Variants in NFIB observed in about 807,000 individuals in gnomAD.
NFIB encodes the protein nuclear factor I B.
NFIB carries 11 observed loss-of-function variants against 61.5 expected under a neutral mutation model. The observed-to-expected ratio is 0.18, with a 90% CI of 0.11 to 0.30. The LOEUF (loss-of-function observed/expected upper bound fraction) is 0.30, where lower values mean the gene tolerates loss of function less well. Ranked by LOEUF, NFIB falls within the 10% of genes least tolerant of loss-of-function variation. The pLI, the probability that NFIB is intolerant of heterozygous loss-of-function variation, is 1.00. For missense variants in NFIB, 471 were observed against 608.9 expected (o/e 0.77, Z 2.38); for synonymous variants, 260 against 216.5 (o/e 1.20, Z -1.76).
rs1206567219 is a variant in NFIB at position 14,082,685 on chromosome 9, G to C, written c.*5624C>G. 3 of 156,888 alleles carry C rather than the reference G, an allele frequency of 1.9e-5. No homozygotes were observed. The highest frequency in any genetic ancestry group is 8.5e-5 in the Admixed American group (1 of 11,784). 9.7% of individuals were successfully genotyped at this position (156,888 alleles called of 1,614,324 possible). A position where few individuals can be genotyped will look rare whatever the true frequency, so the allele number is the denominator to read the frequency against. On this transcript the variant is annotated 3_prime_UTR_variant, in exon 11 of 11. Transcript: ENST00000380953. ...TTTTGCTGGTTTTTTTTTTTTGTTT[G>C]TTTCTTTCTTGTTTTGCATCAACTT...
At chr9:14,260,168 G>A (rs992906317) in intron 2 of NFIB, among the ~76,000 whole-genome samples, 1 of 152,172 alleles carries the variant, frequency 6.6e-6, no homozygotes, top group Non-Finnish European at 1.5e-5. Context: ...AAAGTGAGGC[G>A]CACTGACTTC....
At chr9:14,192,815 T>C (rs549973764) in intron 2 of NFIB, among the ~76,000 whole-genome samples, 2 of 152,178 alleles carry the variant, frequency 1.3e-5, no homozygotes, top group Non-Finnish European at 2.9e-5. Flanking sequence ...CTAACATTAC[T>C]GTAACTGGCC....
chr9:14,447,582 CT>C, the NFIB span, among the ~76,000 whole-genome samples: 385 of 152,238 alleles, frequency 2.5e-3, no homozygotes, highest in African/African-American at 9.0e-3. Context: ...CTATTCTCAC[CT>C]TAACTCCGCA....
At chr9:14,372,031 G>C (rs2061363707) in intron 1 of NFIB, among the ~76,000 whole-genome samples, 1 of 151,984 alleles carries the variant, frequency 6.6e-6, no homozygotes, top group African/African-American at 2.4e-5. Context: ...GGTGAGCTTA[G>C]AGCACCATCT....
intron 1 of NFIB, among the ~76,000 whole-genome samples, chr9:14,383,562 A>C (rs2061513053): frequency 6.6e-6 from 1 of 152,286 alleles, no homozygotes; most frequent in South Asian, 2.1e-4. Context: ...CTCTTCCTTT[A>C]TAAGGGTGGT....
At chr9:14,220,448 A>G (rs1034869577) in intron 2 of NFIB, among the ~76,000 whole-genome samples, 1 of 152,178 alleles carries the variant, frequency 6.6e-6, no homozygotes, top group African/African-American at 2.4e-5. Flanking sequence ...AATATTATTG[A>G]GAGGCATCTT....
At chr9:14,469,961 T>A in the NFIB span, among the ~76,000 whole-genome samples, 22 of 152,242 alleles carry the variant, frequency 1.4e-4, no homozygotes, top group Non-Finnish European at 2.9e-4. Flanking sequence ...AATTACATTT[T>A]CCATTGTGTG....
At chr9:14,460,589 C>A in the NFIB span, among the ~76,000 whole-genome samples, 2 of 152,108 alleles carry the variant, frequency 1.3e-5, no homozygotes, top group African/African-American at 4.8e-5. Context: ...AAAACACCCA[C>A]ACACAAAAAT....
At chr9:14,215,134 T>TCC (rs2050721196) in intron 2 of NFIB, among the ~76,000 whole-genome samples, 1 of 151,272 alleles carries the variant, frequency 6.6e-6, no homozygotes, top group African/African-American at 2.5e-5. Flanking sequence ...AGCTCAACAA[T>TCC]TGGGTGCTTA....
At chr9:14,395,224 T>C (rs1365558429) in intron 1 of NFIB, among the ~76,000 whole-genome samples, 6 of 149,116 alleles carry the variant, frequency 4.0e-5, no homozygotes, top group African/African-American at 1.5e-4. Context: ...GAACAGGAGG[T>C]CCAAACAGCA....
At chr9:14,131,970 T>C (rs2040456767) in intron 6 of NFIB, among the ~76,000 whole-genome samples, 1 of 152,192 alleles carries the variant, frequency 6.6e-6, no homozygotes, top group Non-Finnish European at 1.5e-5. Context: ...TTTTCCAATA[T>C]GCTCGAGTAG....
chr9:14,282,455 A>C (rs921115812), intron 2 of NFIB, among the ~76,000 whole-genome samples: 1 of 152,362 alleles, frequency 6.6e-6, no homozygotes, highest in South Asian at 2.1e-4. Context: ...GAAAATTAAA[A>C]TAATGTTATA....
At chr9:14,324,468 CTG>C (rs2060729068) in intron 1 of NFIB, among the ~76,000 whole-genome samples, 1 of 152,146 alleles carries the variant, frequency 6.6e-6, no homozygotes, top group Non-Finnish European at 1.5e-5. Flanking sequence ...AAAGTCTTCT[CTG>C]TTATTATTTG....
chr9:14,210,160 A>G (rs987717009), intron 2 of NFIB, among the ~76,000 whole-genome samples: 1 of 152,174 alleles, frequency 6.6e-6, no homozygotes, highest in African/African-American at 2.4e-5. Context: ...ATGACACTAC[A>G]AACATTTTCC....
intron 5 of NFIB, among the ~76,000 whole-genome samples, chr9:14,147,551 A>G (rs2042397498): frequency 6.6e-6 from 1 of 151,806 alleles, no homozygotes; most frequent in Non-Finnish European, 1.5e-5. Context: ...ACTTTTTCTT[A>G]AAACTTAGAT....
the NFIB span, among the ~76,000 whole-genome samples, chr9:14,459,704 G>T: frequency 6.6e-6 from 1 of 152,080 alleles, no homozygotes; most frequent in Non-Finnish European, 1.5e-5. Context: ...AAAAGCGGGC[G>T]AAGGATATGA....
At chr9:14,175,410 G>C (rs557700678) in intron 3 of NFIB, among the ~76,000 whole-genome samples, 1 of 151,966 alleles carries the variant, frequency 6.6e-6, no homozygotes, top group Non-Finnish European at 1.5e-5. Flanking sequence ...TCCTGACCTC[G>C]TGATCCACTC....
At chr9:14,383,097 T>C (rs1480420584) in intron 1 of NFIB, among the ~76,000 whole-genome samples, 2 of 152,076 alleles carry the variant, frequency 1.3e-5, no homozygotes, top group African/African-American at 4.8e-5. Flanking sequence ...AAATTGAAAA[T>C]GAAAGGTAAT....
chr9:14,265,911 G>A (rs1490363219), intron 2 of NFIB, among the ~76,000 whole-genome samples: 1 of 152,220 alleles, frequency 6.6e-6, no homozygotes, highest in Non-Finnish European at 1.5e-5. Flanking sequence ...GGAACAGCCA[G>A]CTTCAACAAG....
Sources: gnomAD v4.1 joint callset for allele counts (sites outside exome capture counted in the v4.1 genomes callset) on GRCh38, gnomAD v4.1.1 for gene constraint, MANE v1.5 for transcripts, NCBI Gene and HGNC (gene_info 2026-07-23, HGNC 2026-07-21) for gene names.